Variants in SLC9A2 observed in about 807,000 individuals in gnomAD.
SLC9A2 encodes the protein sodium/hydrogen exchanger 2.
In SLC9A2, 42 loss-of-function variants were observed where a neutral mutation model predicts 71.7. That is an observed-to-expected ratio of 0.59 (90% CI 0.46 to 0.76). The LOEUF (loss-of-function observed/expected upper bound fraction) is 0.76. Among genes scored for constraint, SLC9A2 ranks in the 30% least tolerant of loss-of-function variants. SLC9A2 has a pLI of 0.00. For missense variants in SLC9A2, 829 were observed against 1,017.4 expected, an observed-to-expected ratio of 0.81 and a Z score of 2.52; for synonymous variants, 396 against 392.5, an observed-to-expected ratio of 1.01 and a Z score of -0.10.
intron 3 of SLC9A2, among the ~76,000 whole-genome samples, chr2:102,679,388 T>G (rs796635817): frequency 7.4e-5 from 10 of 135,054 alleles, no homozygotes; most frequent in South Asian, 6.8e-4. Flanking sequence ...ATATATAATT[T>G]TTTTTTTTTT....
chr2:102,683,238 A>G (rs1410837553), intron 3 of SLC9A2, 23 bp from the exon 4 acceptor site: 1 of 1,542,778 alleles, frequency 6.5e-7, no homozygotes, highest in African/African-American at 1.4e-5. Flanking sequence ...AGGTTTCAAT[A>G]GAAGCTGAAT....
At chr2:102,692,138 T>C (rs1043390396) in intron 5 of SLC9A2, among the ~76,000 whole-genome samples, 6 of 152,230 alleles carry the variant, frequency 3.9e-5, no homozygotes, top group Non-Finnish European at 7.3e-5. Flanking sequence ...ACAGAACATG[T>C]GTTGATTGGA....
At chr2:102,670,489 C>T (rs1677225716) in intron 3 of SLC9A2, among the ~76,000 whole-genome samples, 1 of 150,500 alleles carries the variant, frequency 6.6e-6, no homozygotes. Context: ...AAATCGAGGC[C>T]CAGATGGACA....
chr2:102,702,187 T>C (rs973083760), intron 8 of SLC9A2, among the ~76,000 whole-genome samples: 8 of 152,224 alleles, frequency 5.3e-5, no homozygotes, highest in Non-Finnish European at 4.4e-5. Flanking sequence ...ATGACATGAA[T>C]AGATTCTGAA....
intron 2 of SLC9A2, among the ~76,000 whole-genome samples, chr2:102,663,428 G>A (rs564635226): frequency 6.6e-6 from 1 of 152,256 alleles, no homozygotes; most frequent in East Asian, 1.9e-4. Context: ...TGATCACAAG[G>A]AGCTTACAAT....
chr2:102,668,458 A>G (rs919706104), intron 3 of SLC9A2, among the ~76,000 whole-genome samples: 5 of 152,160 alleles, frequency 3.3e-5, no homozygotes, highest in African/African-American at 4.8e-5. Context: ...TTAAAAATGC[A>G]TATCTACACA....
rs1678078183 is a variant in SLC9A2, at chr2:102,710,192, C to T, written c.*1703C>T. The T allele has an allele frequency of 6.5e-6, 1 of 152,676 alleles. No homozygotes were observed. The highest frequency in any genetic ancestry group is 2.4e-5 in the African/African-American group (1 of 41,422). The allele number at this position is 152,676 out of a possible 1,614,324, so 9.5% of individuals were successfully genotyped here. The stretch of plus-strand genomic sequence containing the variant: ...CAATTTGAAAACTACAGGCTTAGGA[C>T]TCTGTGCCAAAAATCTCTATTTTAA... On this transcript the variant is annotated 3_prime_UTR_variant, in exon 12 of 12. Transcript: ENST00000233969.
Position 102,695,060 on chromosome 2 carries a change from G to T in SLC9A2, c.1533G>T (p.Lys511Asn). The change falls in exon 7 of 12, where the codon AAG (lysine) becomes AAT (asparagine). Residue 511 changes from lysine (K) to asparagine (N), a missense_variant. Physicochemically the swap from Lys to Asn is moderately conservative, Grantham distance 94. Transcript: ENST00000233969. ...EIYCRLFDHVKTGIEDVCGHW... is the reference protein window; with the variant it reads ...EIYCRLFDHVNTGIEDVCGHW... ...TGTTTTAGTTGTTTGATCATGTGAA[G>T]ACTGGAATTGAAGATGTTTGTGGAC... 6.2e-7 allele frequency: 1 copy of T among 1,613,860 alleles called. No individual in the cohort carries two copies.
intron 3 of SLC9A2, among the ~76,000 whole-genome samples, chr2:102,670,807 T>C (rs1474983070): frequency 1.3e-5 from 2 of 151,364 alleles, no homozygotes; most frequent in South Asian, 2.1e-4. Context: ...AGCTGATAAT[T>C]GTCATCTGTT....
chr2:102,672,492 CTCT>C (rs1051375118), intron 3 of SLC9A2, among the ~76,000 whole-genome samples: 1 of 152,072 alleles, frequency 6.6e-6, no homozygotes, highest in Non-Finnish European at 1.5e-5. Context: ...AAGAGAAATG[CTCT>C]CCCCGCTCTG....
chr2:102,654,577 C>T (rs187908208), intron 1 of SLC9A2, among the ~76,000 whole-genome samples: 1 of 152,270 alleles, frequency 6.6e-6, no homozygotes, highest in Non-Finnish European at 1.5e-5. Flanking sequence ...GGGTTTAGTC[C>T]TGTTTGTAAG....
intron 4 of SLC9A2, 146 bp from the exon 5 acceptor site, chr2:102,683,987 CT>C (rs1298237776): frequency 7.9e-6 from 5 of 636,832 alleles, no homozygotes; most frequent in Non-Finnish European, 1.4e-5. Context: ...CCTGGTATTA[CT>C]AGCAAGACAG....
chr2:102,661,291 A>G (rs1045417204), intron 2 of SLC9A2, among the ~76,000 whole-genome samples: 1 of 152,286 alleles, frequency 6.6e-6, no homozygotes, highest in East Asian at 1.9e-4. Flanking sequence ...CCATCTGCTC[A>G]TAACCGGGCT....
chr2:102,643,191 T>TACGTCGTCCTTC (rs1676644647), intron 1 of SLC9A2, among the ~76,000 whole-genome samples: 1 of 152,200 alleles, frequency 6.6e-6, no homozygotes, highest in African/African-American at 2.4e-5. Context: ...CTGCGTTCTT[T>TACGTCGTCCTTC]ACGTCGTCCT....
intron 5 of SLC9A2, chr2:102,686,847 A>G (rs974190570): frequency 2.0e-5 from 3 of 152,492 alleles, no homozygotes; most frequent in Admixed American, 2.0e-4. Flanking sequence ...TTCCCTGAGT[A>G]TAAAGAGGAC....
At chr2:102,676,213 G>A (rs1329773568) in intron 3 of SLC9A2, among the ~76,000 whole-genome samples, 1 of 152,194 alleles carries the variant, frequency 6.6e-6, no homozygotes, top group African/African-American at 2.4e-5. Flanking sequence ...TAGACCAGGA[G>A]TCTTCCACCT....
intron 11 of SLC9A2, among the ~76,000 whole-genome samples, chr2:102,707,407 G>T: frequency 6.6e-6 from 1 of 151,022 alleles, no homozygotes. Context: ...GGGAAGACAA[G>T]GCAGCACTGA....
At chr2:102,680,515 C>T (rs1397013619) in intron 3 of SLC9A2, among the ~76,000 whole-genome samples, 1 of 152,010 alleles carries the variant, frequency 6.6e-6, no homozygotes, top group Non-Finnish European at 1.5e-5. Context: ...TCCAGGATTT[C>T]ACGTCAAGTC....
intron 3 of SLC9A2, among the ~76,000 whole-genome samples, chr2:102,671,148 G>A (rs937412844): frequency 2.0e-5 from 3 of 152,182 alleles, no homozygotes; most frequent in Admixed American, 2.0e-4. Context: ...CAGGAAGAGA[G>A]TTTACAGAGA....
Sources: allele counts gnomAD v4.1 joint callset (sites outside exome capture counted in the v4.1 genomes callset), GRCh38; gene constraint gnomAD v4.1.1; transcripts MANE v1.5; gene names NCBI Gene and HGNC (gene_info 2026-07-23, HGNC 2026-07-21).